FAT3: variants seen among roughly 807,000 people sequenced by gnomAD.
FAT3 encodes protocadherin Fat 3.
In FAT3, 95 loss-of-function variants were observed where a neutral mutation model predicts 310.2. The ratio of observed to expected loss-of-function variants is 0.31; its 90% confidence interval spans 0.26 to 0.36. The LOEUF is 0.36. Ranked by LOEUF, FAT3 falls within the 10% of genes least tolerant of loss-of-function variation. FAT3 has a pLI of 1.00. For missense variants in FAT3, 5,408 were observed against 5,715.6 expected (o/e 0.95, Z 1.74); for synonymous variants, 2,314 against 2,192.9 (o/e 1.06, Z -1.54).
intron 2 of FAT3, among the ~76,000 whole-genome samples, chr11:92,455,083 A>C (rs1951462623): frequency 6.6e-6 from 1 of 152,152 alleles, no homozygotes; most frequent in Non-Finnish European, 1.5e-5. Context: ...CGAGATTGAG[A>C]AATCAGGATA....
chr11:92,879,054 G>A (rs1949609380), intron 22 of FAT3, among the ~76,000 whole-genome samples: 2 of 151,316 alleles, frequency 1.3e-5, no homozygotes, highest in Non-Finnish European at 2.9e-5. Flanking sequence ...TAAAGAGAGG[G>A]GAAAAAAAAA....
At chr11:92,382,069 G>A (rs1165314680) in intron 2 of FAT3, among the ~76,000 whole-genome samples, 1 of 152,106 alleles carries the variant, frequency 6.6e-6, no homozygotes, top group African/African-American at 2.4e-5. Flanking sequence ...CAAATCAATT[G>A]CATATTATGT....
rs1378560657 is a variant in FAT3, at chr11:92,775,585, G to A, written c.4335+1405G>A. On this transcript the variant is annotated intron_variant, in intron 7 of 27. Transcript: ENST00000525166. The stretch of plus-strand genomic sequence containing the variant: ...ATCATATGACTCTGTTTGCCTTAAA[G>A]AGTCCCATTTATGTCTGTGGAATTG... Among the ~76,000 whole-genome samples the A allele has an allele frequency of 3.3e-5, 5 of 152,158 alleles. No homozygotes were observed. In the East Asian group the frequency reaches 7.7e-4, roughly 23 times the overall value.
chr11:92,265,204 T>A, intron 1 of FAT3, among the ~76,000 whole-genome samples: 1 of 151,814 alleles, frequency 6.6e-6, no homozygotes, highest in Non-Finnish European at 1.5e-5. Flanking sequence ...CCTGAAACTC[T>A]GTATTTGCGT....
rs762435403 is a variant in FAT3, at chr11:92,353,916, G to A, written c.1804G>A (p.Ala602Thr). 6.2e-7 allele frequency: 1 copy of A among 1,612,250 alleles called. No individual in the cohort carries two copies. The highest frequency in any genetic ancestry group is 8.5e-7 in the Non-Finnish European group (1 of 1,178,494). The change falls in exon 2 of 28, where the codon GCG (alanine) becomes ACG (threonine). Residue 602 changes from alanine (A) to threonine (T), a missense_variant. Physicochemically the swap from Ala to Thr is moderately conservative, Grantham distance 58. This residue lies in a region of FAT3 where 4,588 missense variants were observed against 4,809.8 expected (regional missense o/e 0.95). Coordinates refer to ENST00000525166, the MANE Select transcript of FAT3 (RefSeq NM_001367949.2). ...TGGTGGTCACATCACAGCAGTCTCA[G>A]CGATCGATATCGATGAACTTGAACT... ...PVGGHITAVS[A>T]IDIDELELVK...
At chr11:92,234,772 G>C (rs999428162) in intron 1 of FAT3, among the ~76,000 whole-genome samples, 1 of 151,870 alleles carries the variant, frequency 6.6e-6, no homozygotes, top group African/African-American at 2.4e-5. Context: ...TGTGGTGGTG[G>C]GTGCCTGTAA....
intron 1 of FAT3, among the ~76,000 whole-genome samples, chr11:92,326,301 A>G (rs1947762473): frequency 2.0e-5 from 3 of 152,372 alleles, no homozygotes; most frequent in Middle Eastern, 3.4e-3. Flanking sequence ...TACCAGGGTA[A>G]TGAATATTGT....
At chr11:92,589,468 C>G (rs1051833691) in intron 3 of FAT3, among the ~76,000 whole-genome samples, 2 of 152,052 alleles carry the variant, frequency 1.3e-5, no homozygotes, top group Non-Finnish European at 2.9e-5. Flanking sequence ...TGAGTTGCTT[C>G]AAGTATGAAG....
intron 1 of FAT3, among the ~76,000 whole-genome samples, chr11:92,238,470 C>T (rs1007664613): frequency 4.6e-5 from 7 of 151,988 alleles, no homozygotes; most frequent in African/African-American, 1.4e-4. Context: ...CTTGAAATTT[C>T]GTTTGTATAG....
chr11:92,700,793 C>G (rs916552213), intron 4 of FAT3, among the ~76,000 whole-genome samples: 1 of 152,180 alleles, frequency 6.6e-6, no homozygotes, highest in African/African-American at 2.4e-5. Flanking sequence ...TTTGTCCTCT[C>G]TCTCTTTTTC....
intron 18 of FAT3, among the ~76,000 whole-genome samples, chr11:92,843,210 C>A (rs539609222): frequency 5.5e-4 from 84 of 152,288 alleles, no homozygotes; most frequent in African/African-American, 1.9e-3. Context: ...CAGATCCCAC[C>A]TGGTCTGCAG....
At position 92,764,839 on chromosome 11, in the gene FAT3, A is replaced by G. The variant is rs371947802; in HGVS notation, c.3985-40A>G. 154 of 1,579,886 alleles carry G rather than the reference A, an allele frequency of 9.7e-5. No homozygotes were observed. The African/African-American group carries it at 1.8e-3, about 19-fold the overall frequency. On this transcript the variant is annotated intron_variant, in intron 5 of 27. Coordinates refer to ENST00000525166, the MANE Select transcript of FAT3 (RefSeq NM_001367949.2). ...CAGATCCAAACTCTACAACAATCAG[A>G]GGTCTGAGACATCTTTCTCTTCTCT...
At position 92,834,944 on chromosome 11, in the gene FAT3, G is replaced by A; in HGVS notation, c.9946G>A (p.Gly3316Arg). 6.2e-7 allele frequency: 1 copy of A among 1,613,064 alleles called. No individual in the cohort carries two copies. The highest frequency in any genetic ancestry group is 2.2e-5 in the East Asian group (1 of 44,868). The change falls in exon 15 of 28, where the codon GGG (glycine) becomes AGG (arginine). Residue 3316 changes from glycine (G) to arginine (R), a missense_variant. Coordinates refer to ENST00000525166, the MANE Select transcript of FAT3 (RefSeq NM_001367949.2). ...RFYLVVEAKD[G>R]GTPALSAVAT... Reference sequence around the variant, plus strand: ...TTACCTGGTAGTGGAAGCCAAAGATGGGGGCACCCCAGCTCTCAGCGCTGT... The same window carrying A: ...TTACCTGGTAGTGGAAGCCAAAGATAGGGGCACCCCAGCTCTCAGCGCTGT...
intron 1 of FAT3, among the ~76,000 whole-genome samples, chr11:92,266,844 A>G (rs1372570268): frequency 6.6e-6 from 1 of 152,130 alleles, no homozygotes; most frequent in African/African-American, 2.4e-5. Context: ...TCCTGATTTC[A>G]CCTGATGATC....
intron 3 of FAT3, among the ~76,000 whole-genome samples, chr11:92,685,899 A>G (rs890444341): frequency 6.6e-6 from 1 of 152,220 alleles, no homozygotes; most frequent in Non-Finnish European, 1.5e-5. Flanking sequence ...CTTATTCAGC[A>G]TTTCTTCCAA....
intron 1 of FAT3, among the ~76,000 whole-genome samples, chr11:92,292,138 T>C (rs970494218): frequency 6.6e-6 from 1 of 152,058 alleles, no homozygotes; most frequent in African/African-American, 2.4e-5. Flanking sequence ...ACAAGTGTAT[T>C]TATTAATGGA....
rs916865121 is a variant in FAT3, at chr11:92,283,953, G to A, written c.-18+58779G>A. Among the ~76,000 whole-genome samples, 3 of 152,022 alleles carry A rather than the reference G, an allele frequency of 2.0e-5. No individual in the cohort carries two copies. The South Asian group carries it at 6.3e-4, about 32-fold the overall frequency. The stretch of plus-strand genomic sequence containing the variant: ...TGTCTTGGGACACAAAAGAATTCTG[G>A]GAACTTTATTAAATCTCTTATCTTT... On this transcript the variant is annotated intron_variant, in intron 1 of 27. Transcript: ENST00000525166.
At chr11:92,560,997 G>A (rs2135468355) in intron 3 of FAT3, among the ~76,000 whole-genome samples, 1 of 152,294 alleles carries the variant, frequency 6.6e-6, no homozygotes, top group South Asian at 2.1e-4. Flanking sequence ...AAGAATACCT[G>A]TCAATGTGGT....
intron 1 of FAT3, among the ~76,000 whole-genome samples, chr11:92,327,756 G>A (rs535022552): frequency 1.3e-5 from 2 of 152,320 alleles, no homozygotes; most frequent in South Asian, 4.1e-4. Context: ...CAGTGACTCT[G>A]AGGAAGTCAC....
Sources: gnomAD v4.1 joint callset for allele counts (sites outside exome capture counted in the v4.1 genomes callset) on GRCh38, gnomAD v4.1.1 for gene constraint, gnomAD v4.1.1 regional missense constraint, MANE v1.5 for transcripts, NCBI Gene and HGNC (gene_info 2026-07-23, HGNC 2026-07-21) for gene names.